Variants in DEUP1 observed in about 807,000 individuals in gnomAD.
DEUP1 encodes coiled-coil domain containing 67.
In DEUP1, 82 loss-of-function variants were observed where a neutral mutation model predicts 87.4. The observed-to-expected ratio is 0.94, with a 90% CI of 0.78 to 1.13. DEUP1 has a LOEUF of 1.13. Among genes scored for constraint, DEUP1 ranks in the 50% most tolerant of loss-of-function variants. The probability of loss-of-function intolerance (pLI) is 0.00; values close to 1 mark genes in which losing one functional copy is unlikely to be tolerated. For synonymous variants in DEUP1, 214 were observed against 222.7 expected, an observed-to-expected ratio of 0.96 and a Z score of 0.35; for missense variants, 663 against 681.5, an observed-to-expected ratio of 0.97 and a Z score of 0.30.
intron 11 of DEUP1, among the ~76,000 whole-genome samples, chr11:93,397,100 T>A (rs11020304): frequency 6.6e-6 from 1 of 152,056 alleles, no homozygotes; most frequent in East Asian, 1.9e-4. Flanking sequence ...GGAATGGAAA[T>A]GATAAGAGAT....
At chr11:93,396,885 CT>C (rs1393296038) in intron 11 of DEUP1, among the ~76,000 whole-genome samples, 1 of 152,144 alleles carries the variant, frequency 6.6e-6, no homozygotes, top group Non-Finnish European at 1.5e-5. Flanking sequence ...AGGATAAGGA[CT>C]ACTGGTTTTA....
At chr11:93,407,596 A>G (rs978527083) in intron 11 of DEUP1, among the ~76,000 whole-genome samples, 1 of 152,180 alleles carries the variant, frequency 6.6e-6, no homozygotes, top group Admixed American at 6.5e-5. Flanking sequence ...AATAGCAGTT[A>G]TCACTGAGTG....
chr11:93,368,974 G>A (rs1273504485), intron 5 of DEUP1, among the ~76,000 whole-genome samples: 1 of 151,262 alleles, frequency 6.6e-6, no homozygotes, highest in Non-Finnish European at 1.5e-5. Flanking sequence ...CCACCCCCGT[G>A]CCCACCAGCC....
intron 13 of DEUP1, among the ~76,000 whole-genome samples, chr11:93,420,878 G>C: frequency 9.0e-6 from 1 of 111,016 alleles, no homozygotes. Flanking sequence ...ACCTCTTCAA[G>C]GAGAACTACA....
Position 93,437,665 on chromosome 11 carries a change from C to T in DEUP1, c.1761C>T (p.His587=). 6.2e-7 allele frequency: 1 copy of T among 1,609,308 alleles called. No individual in the cohort carries two copies. Among genetic ancestry groups the T allele is most frequent in the Middle Eastern group, 1.7e-4 (1 of 6,054 alleles). ...CACATATTGATGAACTGCAAAGACACACAGAATTTACTCTTAATAAATACT... is the reference window on the plus strand; with the variant it reads ...CACATATTGATGAACTGCAAAGACATACAGAATTTACTCTTAATAAATACT... ...LNTHIDELQR[H]TEFTLNKYSK... is the part of the protein sequence containing the mutation. The change falls in exon 14 of 14, where the codon CAC becomes CAT. Residue 587 remains histidine, a synonymous_variant. Coordinates refer to ENST00000298050, the MANE Select transcript of DEUP1 (RefSeq NM_181645.4).
At chr11:93,364,342 C>A in intron 5 of DEUP1, 48 bp downstream of exon 5, 1 of 1,539,774 alleles carries the variant, frequency 6.5e-7, no homozygotes, top group Non-Finnish European at 8.9e-7. Flanking sequence ...AGATTGATTC[C>A]TATTGTTGTG....
intron 9 of DEUP1, among the ~76,000 whole-genome samples, chr11:93,389,933 T>C (rs1461602692): frequency 6.6e-6 from 1 of 152,216 alleles, no homozygotes; most frequent in Non-Finnish European, 1.5e-5. Context: ...GAGCTAGAAA[T>C]ACAAGGATGA....
intron 7 of DEUP1, among the ~76,000 whole-genome samples, chr11:93,375,936 T>A (rs1946016144): frequency 6.6e-6 from 1 of 152,092 alleles, no homozygotes; most frequent in Non-Finnish European, 1.5e-5. Flanking sequence ...GTTGGCAATT[T>A]TCATATTACT....
intron 2 of DEUP1, 30 bp downstream of exon 2, chr11:93,332,318 G>A (rs538248412): frequency 6.3e-7 from 1 of 1,590,898 alleles, no homozygotes; most frequent in African/African-American, 1.3e-5. Context: ...TGTTTAATAA[G>A]TATGTGCTTA....
intron 13 of DEUP1, among the ~76,000 whole-genome samples, chr11:93,431,822 G>C (rs911459092): frequency 5.9e-5 from 9 of 152,152 alleles, no homozygotes; most frequent in African/African-American, 2.2e-4. Context: ...AGTGATTAAA[G>C]ATGACTCCTA....
chr11:93,389,103 A>T lies in DEUP1; in HGVS notation c.1019A>T (p.Asn340Ile), dbSNP rs1946684991. 5 of 1,594,920 alleles carry T rather than the reference A, an allele frequency of 3.1e-6. No individual in the cohort carries two copies. The African/African-American group carries it at 4.0e-5, about 13-fold the overall frequency. Reference sequence around the variant, plus strand: ...TTTTCAGTGATGCAAGATCAACCAAATCATGAAAAAGAATTGAACAAGGTA... The same window carrying T: ...TTTTCAGTGATGCAAGATCAACCAATTCATGAAAAAGAATTGAACAAGGTA... ...ELFSVMQDQP[N>I]HEKELNKIRS... The change falls in exon 9 of 14, where the codon AAT becomes ATT. Residue 340 changes from asparagine (N) to isoleucine (I), a missense_variant. Coordinates refer to ENST00000298050, the MANE Select transcript of DEUP1 (RefSeq NM_181645.4).
intron 12 of DEUP1, among the ~76,000 whole-genome samples, chr11:93,410,620 G>C (rs188442177): frequency 1.4e-3 from 216 of 152,266 alleles, no homozygotes; most frequent in Admixed American, 3.1e-3. Context: ...AGCACCCACT[G>C]GGTACAGAAC....
chr11:93,416,389 G>T (rs1324961452), intron 13 of DEUP1, among the ~76,000 whole-genome samples: 1 of 152,162 alleles, frequency 6.6e-6, no homozygotes, highest in African/African-American at 2.4e-5. Flanking sequence ...TACCATCAGA[G>T]AATACTACAA....
intron 7 of DEUP1, among the ~76,000 whole-genome samples, chr11:93,373,336 T>G (rs1945832147): frequency 6.6e-6 from 1 of 151,972 alleles, no homozygotes; most frequent in Admixed American, 6.6e-5. Flanking sequence ...ATTTGTAGTA[T>G]TTTATCCTTC....
intron 12 of DEUP1, among the ~76,000 whole-genome samples, chr11:93,409,285 G>A (rs911225325): frequency 1.6e-4 from 24 of 152,150 alleles, no homozygotes; most frequent in Non-Finnish European, 2.6e-4. Context: ...ATCATTATCG[G>A]CTGTCCACAT....
chr11:93,341,557 A>G (rs893429526), intron 2 of DEUP1, among the ~76,000 whole-genome samples: 4 of 152,170 alleles, frequency 2.6e-5, no homozygotes, highest in African/African-American at 7.2e-5. Context: ...AGTCATATAC[A>G]TAGTAATATC....
intron 2 of DEUP1, among the ~76,000 whole-genome samples, chr11:93,343,921 T>C (rs1944200789): frequency 6.6e-6 from 1 of 152,158 alleles, no homozygotes; most frequent in Admixed American, 6.6e-5. Flanking sequence ...AATGAATGGA[T>C]TGAATGTGAG....
intron 12 of DEUP1, among the ~76,000 whole-genome samples, chr11:93,411,447 T>C (rs755110556): frequency 2.4e-4 from 36 of 152,208 alleles, no homozygotes; most frequent in Non-Finnish European, 4.4e-4. Context: ...TCTTAACCTT[T>C]TATTCACTCT....
intron 11 of DEUP1, among the ~76,000 whole-genome samples, chr11:93,399,718 G>A (rs952505549): frequency 6.6e-6 from 1 of 151,594 alleles, no homozygotes; most frequent in Non-Finnish European, 1.5e-5. Context: ...AATTTAAGTA[G>A]GCTTTTTACT....
Sources: gnomAD v4.1 joint callset for allele counts (sites outside exome capture counted in the v4.1 genomes callset) on GRCh38, gnomAD v4.1.1 for gene constraint, MANE v1.5 for transcripts, NCBI Gene and HGNC (gene_info 2026-07-23, HGNC 2026-07-21) for gene names.